The following AUTS2 variants were observed in gnomAD, a reference collection of about 807,000 sequenced individuals.
AUTS2 encodes autism susceptibility gene 2 protein.
AUTS2 carries 17 observed loss-of-function variants against 112.4 expected under a neutral mutation model. That is an observed-to-expected ratio of 0.15 (90% CI 0.10 to 0.23). The LOEUF (loss-of-function observed/expected upper bound fraction) is 0.23, where lower values mean the gene tolerates loss of function less well. Among genes scored for constraint, AUTS2 ranks in the 10% least tolerant of loss-of-function variants. The pLI is 1.00. For missense variants in AUTS2, 1,510 were observed against 1,701.6 expected (o/e 0.89, Z 1.98); for synonymous variants, 751 against 702.7 (o/e 1.07, Z -1.09).
intron 4 of AUTS2, among the ~76,000 whole-genome samples, chr7:70,273,735 G>A (rs1787801061): frequency 6.6e-6 from 1 of 152,058 alleles, no homozygotes; most frequent in Non-Finnish European, 1.5e-5. Context: ...AGAGCCCTGT[G>A]TATGAAAAGT....
chr7:70,151,132 T>C (rs2129576257), intron 4 of AUTS2, among the ~76,000 whole-genome samples: 1 of 152,188 alleles, frequency 6.6e-6, no homozygotes, highest in East Asian at 1.9e-4. Flanking sequence ...AAGAACAAGG[T>C]AGCAAAAATT....
intron 1 of AUTS2, among the ~76,000 whole-genome samples, chr7:69,737,976 GATCCCTCACCA>G (rs1787105493): frequency 6.6e-6 from 1 of 152,054 alleles, no homozygotes; most frequent in Admixed American, 6.5e-5. Flanking sequence ...GGGATCCACA[GATCCCTCACCA>G]ATCTCAAAAT....
chr7:69,939,239 A>G (rs1796532500), intron 2 of AUTS2, among the ~76,000 whole-genome samples: 2 of 152,174 alleles, frequency 1.3e-5, no homozygotes, highest in African/African-American at 4.8e-5. Context: ...AAGAAGTAAA[A>G]TTCAATCATT....
chr7:69,843,736 C>T (rs553127715), intron 1 of AUTS2, among the ~76,000 whole-genome samples: 1 of 152,074 alleles, frequency 6.6e-6, no homozygotes, highest in East Asian at 1.9e-4. Flanking sequence ...TCTCATGGCC[C>T]TAGCTCAAAT....
intron 4 of AUTS2, among the ~76,000 whole-genome samples, chr7:70,320,797 G>A (rs1456827585): frequency 1.3e-5 from 2 of 152,274 alleles, no homozygotes; most frequent in East Asian, 3.9e-4. Flanking sequence ...GGGCAGTTTT[G>A]AAGTCTCATT....
intron 1 of AUTS2, among the ~76,000 whole-genome samples, chr7:69,839,574 A>G (rs763214126): frequency 6.6e-6 from 1 of 152,172 alleles, no homozygotes; most frequent in Non-Finnish European, 1.5e-5. Context: ...AGATTTATAA[A>G]CAAGACATTA....
intron 1 of AUTS2, among the ~76,000 whole-genome samples, chr7:69,686,663 G>A (rs1459018125): frequency 6.6e-6 from 1 of 152,102 alleles, no homozygotes; most frequent in East Asian, 1.9e-4. Context: ...CTGTATAAAG[G>A]CTTCTAAGAA....
intron 4 of AUTS2, among the ~76,000 whole-genome samples, chr7:70,340,011 T>C (rs1791184021): frequency 1.3e-5 from 2 of 152,110 alleles, no homozygotes. Context: ...GGGTTAAAAT[T>C]GCAGCTCTTT....
intron 1 of AUTS2, among the ~76,000 whole-genome samples, chr7:69,752,041 T>G (rs1222013163): frequency 6.6e-6 from 1 of 152,230 alleles, no homozygotes; most frequent in Non-Finnish European, 1.5e-5. Flanking sequence ...TCTCTGTCCC[T>G]TAATGTGGTC....
At chr7:70,339,954 T>C (rs1791180784) in intron 4 of AUTS2, among the ~76,000 whole-genome samples, 1 of 152,144 alleles carries the variant, frequency 6.6e-6, no homozygotes, top group Non-Finnish European at 1.5e-5. Flanking sequence ...CAGAGATACT[T>C]TGAAAGGAAA....
intron 4 of AUTS2, among the ~76,000 whole-genome samples, chr7:70,427,317 G>A (rs961544192): frequency 2.0e-5 from 3 of 152,136 alleles, no homozygotes; most frequent in Admixed American, 1.3e-4. Context: ...TTTACCTTTG[G>A]ACAAGATACT....
In AUTS2 at chr7:70,032,313, G is replaced by A. The variant is rs1274482067; in HGVS notation, c.523-85819G>A. On this transcript the variant is annotated intron_variant, in intron 2 of 18. Transcript: ENST00000342771. The stretch of plus-strand genomic sequence containing the variant: ...GGCTCACTGTATGGCAAGCATTAAT[G>A]AAACGTTTAATTAACATTCCCTTCA... 2.0e-5 allele frequency among the ~76,000 whole-genome samples: 3 copies of A among 152,204 alleles called. No homozygotes were observed. In the East Asian group the frequency reaches 5.8e-4, roughly 29 times the overall value.
At chr7:70,772,349 C>G (rs561240645) in intron 11 of AUTS2, among the ~76,000 whole-genome samples, 2 of 152,194 alleles carry the variant, frequency 1.3e-5, no homozygotes, top group African/African-American at 4.8e-5. Context: ...TGCCGTCCAG[C>G]GTTGGCTACA....
At chr7:70,752,452 C>G (rs1325415250) in intron 6 of AUTS2, among the ~76,000 whole-genome samples, 1 of 152,088 alleles carries the variant, frequency 6.6e-6, no homozygotes, top group South Asian at 2.1e-4. Context: ...GCAGTGGGAA[C>G]GTGTTATAGA....
At chr7:70,363,465 G>GAAAAAAAAA (rs369462886) in intron 4 of AUTS2, among the ~76,000 whole-genome samples, 5 of 110,766 alleles carry the variant, frequency 4.5e-5, no homozygotes, top group Non-Finnish European at 7.6e-5. Context: ...ATAAAAAAAA[G>GAAAAAAAAA]AAAAAAAAAA....
chr7:70,303,306 G>C (rs1390838453), intron 4 of AUTS2, among the ~76,000 whole-genome samples: 1 of 152,160 alleles, frequency 6.6e-6, no homozygotes, highest in Non-Finnish European at 1.5e-5. Context: ...TTTCTTTCCT[G>C]CCCTCAAGAG....
chr7:70,582,103 G>A (rs1802475652), intron 5 of AUTS2, among the ~76,000 whole-genome samples: 1 of 150,894 alleles, frequency 6.6e-6, no homozygotes, highest in African/African-American at 2.4e-5. Flanking sequence ...CTAGTTGGTA[G>A]TAGAGGTAAT....
chr7:69,665,043 T>TC (rs1433714016), intron 1 of AUTS2, among the ~76,000 whole-genome samples: 1 of 152,200 alleles, frequency 6.6e-6, no homozygotes, highest in Non-Finnish European at 1.5e-5. Flanking sequence ...TAAAACCACA[T>TC]CCCATTTTGC....
intron 1 of AUTS2, among the ~76,000 whole-genome samples, chr7:69,604,955 C>G (rs1388948181): frequency 6.6e-6 from 1 of 152,182 alleles, no homozygotes; most frequent in African/African-American, 2.4e-5. Flanking sequence ...TGATCTACCG[C>G]CAAATAGTTT....
Sources: gnomAD v4.1 joint callset for allele counts (sites outside exome capture counted in the v4.1 genomes callset) on GRCh38, gnomAD v4.1.1 for gene constraint, MANE v1.5 for transcripts, NCBI Gene and HGNC (gene_info 2026-07-23, HGNC 2026-07-21) for gene names.